ITPR1: variants seen among roughly 807,000 people sequenced by gnomAD.
ITPR1 encodes the protein inositol 1,4,5-trisphosphate-gated calcium channel ITPR1.
ITPR1 carries 96 observed loss-of-function variants against 318.4 expected under a neutral mutation model. The observed-to-expected ratio is 0.30, with a 90% CI of 0.26 to 0.36. ITPR1 has a LOEUF of 0.36. Among genes scored for constraint, ITPR1 ranks in the 10% least tolerant of loss-of-function variants. ITPR1 has a pLI of 1.00. For synonymous variants in ITPR1, 1,312 were observed against 1,289.9 expected, an observed-to-expected ratio of 1.02 and a Z score of -0.37; for missense variants, 2,440 against 3,460.2, an observed-to-expected ratio of 0.71 and a Z score of 7.40.
At chr3:4,828,987 C>G (rs552385506) in intron 60 of ITPR1, among the ~76,000 whole-genome samples, 20 of 152,308 alleles carry the variant, frequency 1.3e-4, no homozygotes, top group African/African-American at 4.6e-4. Flanking sequence ...GAGCTGAGCA[C>G]TGAAATTAGA....
At chr3:4,741,410 C>T (rs2043692535) in intron 44 of ITPR1, among the ~76,000 whole-genome samples, 1 of 152,174 alleles carries the variant, frequency 6.6e-6, no homozygotes. Context: ...TCTACAGACA[C>T]ACCCGAAAAG....
At chr3:4,536,260 A>AT (rs1185406127) in intron 4 of ITPR1, among the ~76,000 whole-genome samples, 2 of 152,142 alleles carry the variant, frequency 1.3e-5, no homozygotes, top group Non-Finnish European at 2.9e-5. Flanking sequence ...ATATTGATAC[A>AT]TTTTCTTAAT....
chr3:4,699,666 T>G, intron 34 of ITPR1, 147 bp from the exon 35 acceptor site: 1 of 646,728 alleles, frequency 1.5e-6, no homozygotes, highest in Non-Finnish European at 2.6e-6. Context: ...TTATATTTTA[T>G]TATTATGATT....
chr3:4,614,165 C>G (rs1226945236), intron 4 of ITPR1, among the ~76,000 whole-genome samples: 1 of 152,284 alleles, frequency 6.6e-6, no homozygotes, highest in East Asian at 1.9e-4. Context: ...ACCTGGGAGG[C>G]TGAGGTGGGA....
chr3:4,694,476 C>T (rs1448709536), intron 33 of ITPR1, among the ~76,000 whole-genome samples: 1 of 152,014 alleles, frequency 6.6e-6, no homozygotes, highest in Non-Finnish European at 1.5e-5. Flanking sequence ...TAAAAACAGT[C>T]ATGTGTCGCT....
chr3:4,626,366 A>G (rs2092828369), intron 4 of ITPR1, among the ~76,000 whole-genome samples: 2 of 152,334 alleles, frequency 1.3e-5, no homozygotes, highest in South Asian at 4.1e-4. Flanking sequence ...CTTAAAACAC[A>G]TAGATGCTTT....
At chr3:4,764,074 C>A (rs1361094766) in intron 44 of ITPR1, among the ~76,000 whole-genome samples, 1 of 152,208 alleles carries the variant, frequency 6.6e-6, no homozygotes, top group Admixed American at 6.5e-5. Context: ...GCGGGCAGTC[C>A]TCTGTAAGCC....
At chr3:4,697,318 GTGTGTGT>G in intron 34 of ITPR1, 46 bp downstream of exon 34, 1 of 1,066,996 alleles carries the variant, frequency 9.4e-7, no homozygotes, top group Non-Finnish European at 1.3e-6. Flanking sequence ...AGTGAGAGGT[GTGTGTGT>G]GTGTGTGTGT....
intron 24 of ITPR1, among the ~76,000 whole-genome samples, chr3:4,678,681 A>T (rs13322594): frequency 0.14 from 20,803 of 152,102 alleles, 1,516 homozygotes; most frequent in Middle Eastern, 0.22. Context: ...TCCACATGGT[A>T]AAGATCAGAG....
intron 17 of ITPR1, 147 bp downstream of exon 17, chr3:4,665,443 C>A (rs1464013106): frequency 1.2e-5 from 8 of 655,016 alleles, no homozygotes; most frequent in Admixed American, 3.2e-5. Context: ...GAAGGAAACA[C>A]AAGCCCAGGA....
In ITPR1 at chr3:4,761,224, C is replaced by T. The variant is rs141549505; in HGVS notation, c.5545-5306C>T. Among the ~76,000 whole-genome samples, 600 of 152,224 alleles carry T rather than the reference C, an allele frequency of 3.9e-3. 7 individuals carry two copies. The highest frequency in any genetic ancestry group is 0.014 in the African/African-American group (569 of 41,506). Reference sequence around the variant, plus strand: ...CGATGCTGAGGTTTGGGGGGGTTCACCCAGGTGGTGAACATTGTACCCAAG... The same window carrying T: ...CGATGCTGAGGTTTGGGGGGGTTCATCCAGGTGGTGAACATTGTACCCAAG... On this transcript the variant is annotated intron_variant, in intron 44 of 61. Transcript: ENST00000649015.
intron 4 of ITPR1, among the ~76,000 whole-genome samples, chr3:4,531,400 C>A (rs558385857): frequency 6.6e-6 from 1 of 152,300 alleles, no homozygotes; most frequent in East Asian, 1.9e-4. Flanking sequence ...TTCTGTAATT[C>A]CACCTTTGCC....
chr3:4,496,013 G>A (rs2080533235), intron 2 of ITPR1, among the ~76,000 whole-genome samples: 1 of 152,206 alleles, frequency 6.6e-6, no homozygotes, highest in Non-Finnish European at 1.5e-5. Context: ...GGAGGTATTA[G>A]ATACTGTAAT....
chr3:4,725,461 T>G, intron 40 of ITPR1, 85 bp from the exon 41 acceptor site: 1 of 1,114,002 alleles, frequency 9.0e-7, no homozygotes, highest in South Asian at 1.3e-5. Flanking sequence ...CTGTGTTTTG[T>G]CCTTGAGTGT....
chr3:4,575,269 T>C (rs898665458), intron 4 of ITPR1, among the ~76,000 whole-genome samples: 1 of 152,136 alleles, frequency 6.6e-6, no homozygotes, highest in Non-Finnish European at 1.5e-5. Flanking sequence ...TGGGGGAGGA[T>C]AGAGGAAAAC....
rs1196356441 is a variant in ITPR1 at position 4,710,768 on chromosome 3, A to G, written c.4991+295A>G. 6.6e-6 allele frequency among the ~76,000 whole-genome samples: 1 copy of G among 152,232 alleles called. No individual in the cohort carries two copies. Among genetic ancestry groups the G allele is most frequent in the Non-Finnish European group, 1.5e-5 (1 of 68,046 alleles). ...ACCCACCGTGTGCTGTGGTACAGAC[A>G]TAAAAAAGCCATGATCCCTCAGCCC... On this transcript the variant is annotated intron_variant, in intron 38 of 61. Transcript: ENST00000649015. The surrounding 1 kb of genome is among the most constrained non-coding windows in gnomAD (Gnocchi z 4.2).
Position 4,802,593 on chromosome 3 carries a change from C to T in ITPR1, c.7107+1993C>T, listed in dbSNP as rs187599998. Among the ~76,000 whole-genome samples, 51 of 152,120 alleles carry T rather than the reference C, an allele frequency of 3.4e-4. No homozygotes were observed. The East Asian group carries it at 7.7e-3, about 23-fold the overall frequency. On this transcript the variant is annotated intron_variant, in intron 54 of 61. Transcript: ENST00000649015. ...ATCCCAGCACTTTGGGAGGCCAAGG[C>T]GGGAAAATTGCTTGAGGCCAGGAGT...
chr3:4,789,011 T>C (rs2047380560), intron 52 of ITPR1, among the ~76,000 whole-genome samples: 1 of 152,180 alleles, frequency 6.6e-6, no homozygotes. Context: ...ACCAGTGCTG[T>C]CTGTTTTTTC....
At position 4,680,481 on chromosome 3, in the gene ITPR1, G is replaced by T. The variant is rs529465038; in HGVS notation, c.2968-72G>T. The T allele has an allele frequency of 1.0e-3, 1,402 of 1,379,814 alleles. 1 individual carries two copies. Among genetic ancestry groups the T allele is most frequent in the Non-Finnish European group, 1.4e-3 (1,341 of 975,296 alleles). The allele number at this position is 1,379,814 out of a possible 1,614,324, so 85.5% of individuals were successfully genotyped here. On this transcript the variant is annotated intron_variant, in intron 24 of 61. Transcript: ENST00000649015. ...AGCTGATACCAGGCCCCGCCAGTGT[G>T]TGGTGGCTTGGCAGAGTCAAGATGG...
Sources: gnomAD v4.1 joint callset for allele counts (sites outside exome capture counted in the v4.1 genomes callset) on GRCh38, gnomAD v4.1.1 for gene constraint, Gnocchi (gnomAD v3.1) non-coding constraint, MANE v1.5 for transcripts, NCBI Gene and HGNC (gene_info 2026-07-23, HGNC 2026-07-21) for gene names.